The following FAM91A1 variants were observed in gnomAD, a reference collection of about 807,000 sequenced individuals.
FAM91A1 encodes family with sequence similarity 91 member A1, also known as protein FAM91A1.
A neutral mutation model predicts 113.5 loss-of-function variants in FAM91A1; 41 were observed. The ratio of observed to expected loss-of-function variants is 0.36; its 90% CI spans 0.28 to 0.47. The LOEUF (loss-of-function observed/expected upper bound fraction) is 0.47. FAM91A1 is among the 20% of genes least tolerant of loss of function. The pLI is 1.00. For missense variants in FAM91A1, 696 were observed against 1,001.2 expected (o/e 0.70, Z 4.11); for synonymous variants, 307 against 347.9 (o/e 0.88, Z 1.31).
At chr8:123,792,884 C>T (rs1815421861) in intron 15 of FAM91A1, among the ~76,000 whole-genome samples, 1 of 152,142 alleles carries the variant, frequency 6.6e-6, no homozygotes, top group African/African-American at 2.4e-5. Context: ...ACAGATCCAC[C>T]AAATTCCCTT....
At position 123,815,336 on chromosome 8, in the gene FAM91A1, T is replaced by C. The variant is rs1816047816; in HGVS notation, c.*2632T>C. ...ACTGTAACTGAGTACAGTGGATCGT[T>C]TTCTGTTAGGATGTTAATATTATAC... On this transcript the variant is annotated 3_prime_UTR_variant, in exon 24 of 24. Transcript: ENST00000334705. 1 of 152,572 alleles carries C rather than the reference T, an allele frequency of 6.6e-6. No individual in the cohort carries two copies. The highest frequency in any genetic ancestry group is 6.5e-5 in the Admixed American group (1 of 15,270). 9.5% of individuals were successfully genotyped at this position (152,572 alleles called of 1,614,324 possible).
chr8:123,797,782 C>T (rs749770551), intron 15 of FAM91A1, among the ~76,000 whole-genome samples: 5 of 152,144 alleles, frequency 3.3e-5, no homozygotes, highest in Non-Finnish European at 4.4e-5. Flanking sequence ...CAAGGGTCAA[C>T]GGTATGCCAC....
chr8:123,799,508 T>C lies in FAM91A1; in HGVS notation c.1561-12T>C. 1 of 1,607,008 alleles carries C rather than the reference T, an allele frequency of 6.2e-7. No individual in the cohort carries two copies. The highest frequency in any genetic ancestry group is 8.5e-7 in the Non-Finnish European group (1 of 1,178,208). On this transcript the variant is annotated splice_polypyrimidine_tract_variant and intron_variant, in intron 16 of 23. Transcript: ENST00000334705. The stretch of plus-strand genomic sequence containing the variant: ...TTATTTTAACTTTATCTTAACTGTT[T>C]TATGATTGTAGCATATTGGACCAGC...
At chr8:123,788,384 A>G (rs754779439) in intron 14 of FAM91A1, 63 of 396,482 alleles carry the variant, frequency 1.6e-4, no homozygotes, top group Non-Finnish European at 2.2e-4. Flanking sequence ...CTTGACTAAT[A>G]CTTTTCGTGC....
At chr8:123,805,399 A>G in intron 19 of FAM91A1, 60 bp downstream of exon 19, 3 of 1,303,568 alleles carry the variant, frequency 2.3e-6, no homozygotes, top group Non-Finnish European at 3.2e-6. Flanking sequence ...TCATGTCAAC[A>G]GTTTGGTGGA....
rs553076211 is a variant in FAM91A1 at position 123,790,454 on chromosome 8, G to A, written c.1411+709G>A. ...TGCTCAGCTAGGCTTGGGCACCCCT[G>A]CATGAGCACTTGGCTCAAGTTCTTA... On this transcript the variant is annotated intron_variant, in intron 15 of 23. Transcript: ENST00000334705. Among the ~76,000 whole-genome samples the A allele has an allele frequency of 2.0e-5, 3 of 152,322 alleles. No individual in the cohort carries two copies. In the East Asian group the frequency reaches 5.8e-4, roughly 29 times the overall value.
At chr8:123,797,061 A>G (rs1285741201) in intron 15 of FAM91A1, among the ~76,000 whole-genome samples, 7 of 152,008 alleles carry the variant, frequency 4.6e-5, no homozygotes, top group Non-Finnish European at 1.0e-4. Flanking sequence ...CTCTGTCTCA[A>G]AAAAATAAAT....
chr8:123,785,802 T>A, intron 11 of FAM91A1, 61 bp downstream of exon 11: 1 of 885,666 alleles, frequency 1.1e-6, no homozygotes, highest in Non-Finnish European at 1.7e-6. Context: ...CATTTAATTT[T>A]ACATACATAA....
At chr8:123,768,801 C>G (rs1563632791) in intron 1 of FAM91A1, 27 bp downstream of exon 1, 6 of 1,605,666 alleles carry the variant, frequency 3.7e-6, no homozygotes, top group Non-Finnish European at 5.1e-6. Flanking sequence ...GGACCGGGCC[C>G]CTGACGGATT....
intron 2 of FAM91A1, among the ~76,000 whole-genome samples, chr8:123,774,545 G>C (rs1263000841): frequency 6.6e-6 from 1 of 151,150 alleles, no homozygotes; most frequent in Non-Finnish European, 1.5e-5. Context: ...ATAATAATTG[G>C]GACACATTTT....
chr8:123,788,312 A>C, intron 14 of FAM91A1: 1 of 881,054 alleles, frequency 1.1e-6, no homozygotes, highest in Non-Finnish European at 1.4e-6. Flanking sequence ...GGTGTTTTTC[A>C]TTCTTCGGAT....
At chr8:123,806,014 T>G in intron 19 of FAM91A1, 66 bp from the exon 20 acceptor site, 3 of 1,394,178 alleles carry the variant, frequency 2.2e-6, no homozygotes, top group Non-Finnish European at 2.8e-6. Flanking sequence ...TAATAAAGTA[T>G]GTTTAAGCTG....
chr8:123,783,500 C>T (rs1278603027), intron 8 of FAM91A1, among the ~76,000 whole-genome samples: 1 of 152,164 alleles, frequency 6.6e-6, no homozygotes, highest in East Asian at 1.9e-4. Flanking sequence ...AACCTATCCT[C>T]AGATGTATGT....
chr8:123,788,968 C>A (rs1229529907), intron 14 of FAM91A1, among the ~76,000 whole-genome samples: 1 of 152,124 alleles, frequency 6.6e-6, no homozygotes, highest in African/African-American at 2.4e-5. Flanking sequence ...CCTATCATTC[C>A]ATTTTCTGTG....
At chr8:123,801,800 A>AT (rs201265186) in intron 18 of FAM91A1, among the ~76,000 whole-genome samples, 32,999 of 146,454 alleles carry the variant, frequency 0.23, 3,999 homozygotes, top group East Asian at 0.32. Context: ...CTGGGCAAGG[A>AT]TTTTTTTTTT....
intron 1 of FAM91A1, among the ~76,000 whole-genome samples, chr8:123,770,594 CTTTG>C (rs1412419591): frequency 6.6e-6 from 1 of 152,030 alleles, no homozygotes; most frequent in Non-Finnish European, 1.5e-5. Context: ...TTCTTCTTTT[CTTTG>C]TTTCCATTTT....
At chr8:123,781,820 A>G (rs915279969) in intron 8 of FAM91A1, among the ~76,000 whole-genome samples, 1 of 152,196 alleles carries the variant, frequency 6.6e-6, no homozygotes, top group African/African-American at 2.4e-5. Flanking sequence ...ATACCTTAAA[A>G]AGTACAGGAA....
intron 1 of FAM91A1, among the ~76,000 whole-genome samples, chr8:123,773,405 C>A (rs6990565): frequency 0.39 from 58,774 of 152,036 alleles, 15,315 homozygotes; most frequent in African/African-American, 0.74. Flanking sequence ...TTATGGTCTC[C>A]CAGTGAATAT....
intron 1 of FAM91A1, among the ~76,000 whole-genome samples, chr8:123,772,782 A>G (rs1446394547): frequency 1.3e-5 from 2 of 152,208 alleles, no homozygotes; most frequent in Non-Finnish European, 2.9e-5. Flanking sequence ...CCTCGGCCAT[A>G]ACACAGTTGA....
Sources: allele counts gnomAD v4.1 joint callset (sites outside exome capture counted in the v4.1 genomes callset), GRCh38; gene constraint gnomAD v4.1.1; transcripts MANE v1.5; gene names NCBI Gene and HGNC (gene_info 2026-07-23, HGNC 2026-07-21).